Variants in BCL2L11 observed in about 807,000 individuals in gnomAD.
The protein encoded by BCL2L11 is BCL2 like 11.
In BCL2L11, 15 loss-of-function variants were observed where a neutral mutation model predicts 20.6. That is an observed-to-expected ratio of 0.73 (90% CI 0.49 to 1.12). The LOEUF is 1.12. Among genes scored for constraint, BCL2L11 ranks in the 50% most tolerant of loss-of-function variants. BCL2L11 has a pLI of 0.00. For synonymous variants in BCL2L11, 108 were observed against 92.8 expected, an observed-to-expected ratio of 1.16 and a Z score of -0.94; for missense variants, 292 against 260.9, an observed-to-expected ratio of 1.12 and a Z score of -0.82.
At chr2:111,141,176 A>T (rs2075738385) in intron 2 of BCL2L11, among the ~76,000 whole-genome samples, 1 of 152,104 alleles carries the variant, frequency 6.6e-6, no homozygotes, top group Non-Finnish European at 1.5e-5. Flanking sequence ...GTTGGTGCCT[A>T]TGGGGAACTG....
At chr2:111,131,283 T>C (rs1430194818) in intron 2 of BCL2L11, 1 of 151,700 alleles carries the variant, frequency 6.6e-6, no homozygotes, top group African/African-American at 2.4e-5. Context: ...TTTTTTTTCT[T>C]AGTTTTTGTA....
intron 3 of BCL2L11, among the ~76,000 whole-genome samples, chr2:111,150,464 A>G (rs371672484): frequency 6.6e-6 from 1 of 152,250 alleles, no homozygotes; most frequent in Non-Finnish European, 1.5e-5. Context: ...GTTTCAATCC[A>G]TGTAGTGTGT....
chr2:111,132,633 T>G (rs938827719), intron 2 of BCL2L11, among the ~76,000 whole-genome samples: 2 of 152,254 alleles, frequency 1.3e-5, no homozygotes, highest in African/African-American at 2.4e-5. Flanking sequence ...AATTTTTTCA[T>G]AAGGAATCTC....
rs146336310 is a variant in BCL2L11, at chr2:111,142,685, A to G, written c.395-7359A>G. Among the ~76,000 whole-genome samples, 350 of 152,332 alleles carry G rather than the reference A, an allele frequency of 2.3e-3. 3 individuals carry two copies. Among genetic ancestry groups the G allele is most frequent in the African/African-American group, 7.9e-3 (330 of 41,574 alleles). ...TCTTTCTTATCATGGAGGTGAAAAC[A>G]GTAATACTGAAGACCTTAATGTGAG... On this transcript the variant is annotated intron_variant, in intron 2 of 3. Coordinates refer to ENST00000393256, the MANE Select transcript of BCL2L11 (RefSeq NM_138621.5).
At chr2:111,135,095 C>T (rs992844719) in intron 2 of BCL2L11, among the ~76,000 whole-genome samples, 3 of 150,422 alleles carry the variant, frequency 2.0e-5, no homozygotes, top group Non-Finnish European at 3.0e-5. Flanking sequence ...CTTTTCCAGT[C>T]CCTTCCTCTC....
At chr2:111,123,370 C>T in intron 1 of BCL2L11, 4 of 985,504 alleles carry the variant, frequency 4.1e-6, no homozygotes, top group Non-Finnish European at 4.8e-6. Context: ...TCCTACCTAA[C>T]CCCGGGAAGT....
At chr2:111,160,832 C>T (rs928638738) in intron 3 of BCL2L11, among the ~76,000 whole-genome samples, 2 of 152,098 alleles carry the variant, frequency 1.3e-5, no homozygotes, top group Non-Finnish European at 2.9e-5. Flanking sequence ...ACAGAGTTAC[C>T]CAACTCTGTA....
At chr2:111,127,564 G>A (rs1029007802) in intron 2 of BCL2L11, among the ~76,000 whole-genome samples, 22 of 151,990 alleles carry the variant, frequency 1.4e-4, no homozygotes, top group African/African-American at 4.8e-4. Context: ...AAGAGGAGAA[G>A]CCCAGGAGAT....
chr2:111,151,656 A>G (rs1229719208), intron 3 of BCL2L11, among the ~76,000 whole-genome samples: 1 of 152,198 alleles, frequency 6.6e-6, no homozygotes, highest in Non-Finnish European at 1.5e-5. Context: ...AAAGGACACT[A>G]TCAGTTCTTC....
intron 3 of BCL2L11, among the ~76,000 whole-genome samples, chr2:111,161,748 T>A (rs1047389419): frequency 2.0e-5 from 3 of 152,222 alleles, no homozygotes; most frequent in African/African-American, 7.2e-5. Context: ...GGTGTGCCCT[T>A]ACTTTGACCT....
chr2:111,164,983 C>T lies in BCL2L11; in HGVS notation c.*752C>T, dbSNP rs1410808935. Reference sequence around the variant, plus strand: ...CCTCATCACTTTTTGTGATGCAACTCCAGTCTGGACTCAGATGCATAGATT... The same window carrying T: ...CCTCATCACTTTTTGTGATGCAACTTCAGTCTGGACTCAGATGCATAGATT... On this transcript the variant is annotated 3_prime_UTR_variant, in exon 4 of 4. Coordinates refer to ENST00000393256, the MANE Select transcript of BCL2L11 (RefSeq NM_138621.5). The T allele has an allele frequency of 1.3e-5, 2 of 152,180 alleles. No individual in the cohort carries two copies. Among genetic ancestry groups the T allele is most frequent in the African/African-American group, 4.8e-5 (2 of 41,436 alleles). The allele number at this position is 152,180 out of a possible 1,614,324, so 9.4% of individuals were successfully genotyped here.
At chr2:111,161,171 C>T (rs935480839) in intron 3 of BCL2L11, among the ~76,000 whole-genome samples, 5 of 152,144 alleles carry the variant, frequency 3.3e-5, no homozygotes, top group African/African-American at 7.2e-5. Flanking sequence ...ACCCTGTCTC[C>T]ACTTACAGTC....
rs2070786184 is a variant in BCL2L11, at chr2:111,121,018, C to CACT, written c.-184_-183insACT. On this transcript the variant is annotated 5_prime_UTR_variant, in exon 1 of 4. Transcript: ENST00000393256. ...CCGCCGCCGCCGCCGCCGCCGCCGCCGCCACTACCACCACTTGATTCTTGC... is the reference window on the plus strand; with the variant it reads ...CCGCCGCCGCCGCCGCCGCCGCCGCCACTGCCACTACCACCACTTGATTCTTGC... 1 of 402,666 alleles carries CACT rather than the reference C, an allele frequency of 2.5e-6. No individual in the cohort carries two copies. The highest frequency in any genetic ancestry group is 5.2e-5 in the East Asian group (1 of 19,338). 24.9% of individuals were successfully genotyped at this position (402,666 alleles called of 1,614,324 possible).
intron 2 of BCL2L11, among the ~76,000 whole-genome samples, chr2:111,147,062 ATC>A (rs2076613151): frequency 6.6e-6 from 1 of 152,232 alleles, no homozygotes; most frequent in Admixed American, 6.5e-5. Flanking sequence ...AATTTATAGT[ATC>A]TATTTCCATA....
intron 2 of BCL2L11, among the ~76,000 whole-genome samples, chr2:111,125,612 A>C (rs1046491578): frequency 6.6e-6 from 1 of 152,226 alleles, no homozygotes; most frequent in African/African-American, 2.4e-5. Context: ...TCAGTGAGGT[A>C]AATCAGGCAG....
Position 111,123,468 on chromosome 2 carries a change from C to T in BCL2L11, c.-13-265C>T, listed in dbSNP as rs904560551. 3 of 985,348 alleles carry T rather than the reference C, an allele frequency of 3.0e-6. No homozygotes were observed. In the African/African-American group the frequency reaches 5.2e-5, roughly 17 times the overall value. The allele number at this position is 985,348 out of a possible 1,614,324, so 61.0% of individuals were successfully genotyped here. A position where few individuals can be genotyped will look rare whatever the true frequency, so the allele number is the denominator to read the frequency against. On this transcript the variant is annotated intron_variant, in intron 1 of 3. Coordinates refer to ENST00000393256, the MANE Select transcript of BCL2L11 (RefSeq NM_138621.5). ...AATAGACTTCAGATTAGCTGCTTCT[C>T]TGGAAACGCATGTGTGTGTGCACCA...
intron 1 of BCL2L11, 84 bp from the exon 2 acceptor site, chr2:111,123,649 T>G (rs1311814032): frequency 2.3e-6 from 3 of 1,277,046 alleles, no homozygotes; most frequent in African/African-American, 1.5e-5. Context: ...CTAAGAATTT[T>G]TAATCGCTAG....
At chr2:111,132,802 T>G (rs73954941) in intron 2 of BCL2L11, among the ~76,000 whole-genome samples, 18,644 of 152,202 alleles carry the variant, frequency 0.12, 1,779 homozygotes, top group African/African-American at 0.26. Flanking sequence ...ATTCTTTGCT[T>G]ATCGAAGATC....
In BCL2L11 at chr2:111,164,249, C is replaced by T. The variant is rs376786434; in HGVS notation, c.*18C>T. ...TGCATTGACAGGTTCTTTGCGGAGC[C>T]GAGATACCATGCAGACATTTTGCTT... is the stretch of plus-strand genomic sequence containing the variant. On this transcript the variant is annotated 3_prime_UTR_variant, in exon 4 of 4. Coordinates refer to ENST00000393256, the MANE Select transcript of BCL2L11 (RefSeq NM_138621.5). 7.1e-5 allele frequency: 110 copies of T among 1,554,744 alleles called. No individual in the cohort carries two copies. Among genetic ancestry groups the T allele is most frequent in the Admixed American group, 4.3e-4 (26 of 59,940 alleles).
Sources: gnomAD v4.1 joint callset for allele counts (sites outside exome capture counted in the v4.1 genomes callset) on GRCh38, gnomAD v4.1.1 for gene constraint, MANE v1.5 for transcripts, NCBI Gene and HGNC (gene_info 2026-07-23, HGNC 2026-07-21) for gene names.